Variants in LATS2 observed in about 807,000 individuals in gnomAD.
The protein encoded by LATS2 is large tumor suppressor kinase 2.
LATS2 carries 24 observed loss-of-function variants against 76.0 expected under a neutral mutation model. That is an observed-to-expected ratio of 0.32 (90% CI 0.23 to 0.44). LATS2 has a LOEUF of 0.44. Ranked by LOEUF, LATS2 falls within the 20% of genes least tolerant of loss-of-function variation. The pLI is 1.00. For synonymous variants in LATS2, 692 were observed against 635.4 expected (o/e 1.09, Z -1.34); for missense variants, 1,286 against 1,481.2 (o/e 0.87, Z 2.16).
At chr13:20,981,345 CTA>C in intron 6 of LATS2, 119 bp downstream of exon 6, 2 of 895,860 alleles carry the variant, frequency 2.2e-6, no homozygotes, top group Non-Finnish European at 3.4e-6. Context: ...TTTCAGGCTT[CTA>C]TGAGGACAAA....
At position 21,045,184 on chromosome 13, in the gene LATS2, C is replaced by T. The variant is rs139235920; in HGVS notation, c.342+501G>A. On this transcript the variant is annotated intron_variant, in intron 2 of 7. Coordinates refer to ENST00000382592, the MANE Select transcript of LATS2 (RefSeq NM_014572.3). ...CATTTCCTGAACATGTTAATAGTTA[C>T]ACCCCCTGTAACAGCATATACACTA... 5.5e-4 allele frequency among the ~76,000 whole-genome samples: 84 copies of T among 152,188 alleles called. No homozygotes were observed. In the Middle Eastern group the frequency reaches 0.01, roughly 18 times the overall value.
At chr13:21,023,222 C>T (rs1438754640) in intron 2 of LATS2, 1 of 152,046 alleles carries the variant, frequency 6.6e-6, no homozygotes. Context: ...CTCAGGGCTT[C>T]TACATTTCTA....
chr13:21,056,435 A>G (rs1873453442), intron 1 of LATS2, among the ~76,000 whole-genome samples: 1 of 152,196 alleles, frequency 6.6e-6, no homozygotes, highest in African/African-American at 2.4e-5. Flanking sequence ...TATGATATAC[A>G]TTATGCAAAT....
Position 20,988,653 on chromosome 13 carries a change from G to A in LATS2, c.1127C>T (p.Ala376Val), listed in dbSNP as rs200000616. 2.7e-4 allele frequency: 430 copies of A among 1,579,722 alleles called. No individual in the cohort carries two copies. In the African/African-American group the frequency reaches 5.3e-3, roughly 20 times the overall value. The change falls in exon 4 of 8, where the codon GCC (alanine) becomes GTC (valine). Residue 376 changes from alanine to valine, a missense_variant. By Grantham distance (64) the Ala-to-Val change is moderately conservative. Around this residue, in one of 5 missense-constraint regions of LATS2, gnomAD observed 710 missense variants for 660.9 expected, o/e 1.07. Coordinates refer to ENST00000382592, the MANE Select transcript of LATS2 (RefSeq NM_014572.3). ...SVQQWPAATL[A>V]RRDSLQKPGL... ...CGGCTTCTGCAGGGAGTCCCGGCGG[G>A]CCAGGGTGGCAGCCGGCCACTGCTG...
In LATS2 at chr13:20,983,678, G is replaced by A. The variant is rs888523752; in HGVS notation, c.2028C>T (p.Ile676=). 14 of 1,614,006 alleles carry A rather than the reference G, an allele frequency of 8.7e-6. No individual in the cohort carries two copies. The East Asian group carries it at 1.8e-4, about 21-fold the overall frequency. ...CAAGGCACACTTCTCCAAAGGCACC[G>A]ATCCCCAGGGTTTTGATCTTGACAA... is the stretch of plus-strand genomic sequence containing the variant. ...SMFVKIKTLG[I]GAFGEVCLAC... is the part of the protein sequence containing the mutation. The change falls in exon 5 of 8, where the codon ATC becomes ATT. Residue 676 remains isoleucine (I), a synonymous_variant. Transcript: ENST00000382592.
intron 1 of LATS2, among the ~76,000 whole-genome samples, chr13:21,054,541 A>AC (rs1873385550): frequency 6.6e-6 from 1 of 151,976 alleles, no homozygotes; most frequent in South Asian, 2.1e-4. Context: ...GCACCTCCCC[A>AC]CCCCACTGGC....
rs749648130 is a variant in LATS2 at position 20,975,275 on chromosome 13, G to A, written c.2862C>T (p.Ser954=). ...CATTCCGCCCCAGGCGGTGGTCTGC[G>A]GAGCAGCACAGCTTGGTGATGAGGT... The part of the protein sequence containing the change: ...ARDLITKLCC[S]ADHRLGRNGA... The change falls in exon 8 of 8, where the codon TCC becomes TCT. Residue 954 remains serine, a synonymous_variant. Transcript: ENST00000382592. The A allele has an allele frequency of 2.9e-5, 46 of 1,613,944 alleles. No individual in the cohort carries two copies. The highest frequency in any genetic ancestry group is 4.5e-5 in the East Asian group (2 of 44,860).
At chr13:20,987,364 T>C (rs1194487970) in intron 4 of LATS2, among the ~76,000 whole-genome samples, 1 of 152,214 alleles carries the variant, frequency 6.6e-6, no homozygotes, top group East Asian at 1.9e-4. Context: ...TTTAAATAGT[T>C]TCATCAATAA....
intron 2 of LATS2, among the ~76,000 whole-genome samples, chr13:21,041,404 T>C (rs1193875625): frequency 6.6e-5 from 10 of 152,336 alleles, no homozygotes; most frequent in Admixed American, 6.5e-5. Flanking sequence ...CCTTATTTGA[T>C]CTAATATAAT....
Position 20,982,884 on chromosome 13 carries a change from G to A in LATS2, c.2482+340C>T, listed in dbSNP as rs541134558. ...TGCGTGACTGTAATCCCGGCTACTCGGGAGGCTGGAGGCAGGAGAATCACT... is the reference window on the plus strand; with the variant it reads ...TGCGTGACTGTAATCCCGGCTACTCAGGAGGCTGGAGGCAGGAGAATCACT... On this transcript the variant is annotated intron_variant, in intron 5 of 7. Transcript: ENST00000382592. 5.3e-5 allele frequency among the ~76,000 whole-genome samples: 8 copies of A among 151,072 alleles called. No individual in the cohort carries two copies. In the East Asian group the frequency reaches 6.0e-4, roughly 11 times the overall value.
intron 4 of LATS2, among the ~76,000 whole-genome samples, chr13:20,986,849 G>A (rs141959381): frequency 6.6e-6 from 1 of 152,028 alleles, no homozygotes; most frequent in Admixed American, 6.6e-5. Context: ...TCCTATGCAT[G>A]TAACAAAATA....
At chr13:20,995,094 A>G (rs1870692627) in intron 2 of LATS2, among the ~76,000 whole-genome samples, 1 of 152,022 alleles carries the variant, frequency 6.6e-6, no homozygotes, top group African/African-American at 2.4e-5. Flanking sequence ...CTCATCTGGG[A>G]AATAAGGCTA....
At chr13:21,023,482 T>G (rs1229156414) in intron 2 of LATS2, among the ~76,000 whole-genome samples, 2 of 151,448 alleles carry the variant, frequency 1.3e-5, no homozygotes, top group Non-Finnish European at 2.9e-5. Flanking sequence ...ACCCCTGCAC[T>G]TCCCGTCCTT....
At chr13:21,007,995 G>C (rs1164368961) in intron 2 of LATS2, among the ~76,000 whole-genome samples, 1 of 151,362 alleles carries the variant, frequency 6.6e-6, no homozygotes, top group Non-Finnish European at 1.5e-5. Flanking sequence ...CTGACCTCAA[G>C]TGATCCACCG....
At chr13:21,042,408 A>T (rs1326179944) in intron 2 of LATS2, among the ~76,000 whole-genome samples, 4 of 152,202 alleles carry the variant, frequency 2.6e-5, no homozygotes. Flanking sequence ...TTTAATTAAA[A>T]GTTAAGGCTG....
intron 2 of LATS2, among the ~76,000 whole-genome samples, chr13:21,017,314 G>C (rs956374214): frequency 1.6e-4 from 25 of 152,282 alleles, no homozygotes; most frequent in African/African-American, 5.8e-4. Flanking sequence ...CCCTTACATA[G>C]AGGTGATGCA....
At chr13:21,048,820 A>T (rs1342801765) in intron 1 of LATS2, among the ~76,000 whole-genome samples, 1 of 152,086 alleles carries the variant, frequency 6.6e-6, no homozygotes, top group African/African-American at 2.4e-5. Flanking sequence ...CTGGGCAACA[A>T]GAGCGAAACT....
chr13:21,056,003 G>A (rs1214985520), intron 1 of LATS2, among the ~76,000 whole-genome samples: 3 of 152,194 alleles, frequency 2.0e-5, no homozygotes, highest in Admixed American at 6.5e-5. Context: ...TGGGGATCCA[G>A]GAAAACACAC....
chr13:20,975,208 C>G lies in LATS2; in HGVS notation c.2929G>C (p.Asp977His). The G allele has an allele frequency of 6.2e-7, 1 of 1,614,164 alleles. No homozygotes were observed. The highest frequency in any genetic ancestry group is 8.5e-7 in the Non-Finnish European group (1 of 1,180,028). ...LKAHPFFSAIDFSSDIRKQPA... is the reference protein window; with the variant it reads ...LKAHPFFSAIHFSSDIRKQPA... Reference sequence around the variant, plus strand: ...TGCTTCCGGATGTCACTGGAGAAGTCAATGGCGCTGAAGAAGGGGTGGGCC... The same window carrying G: ...TGCTTCCGGATGTCACTGGAGAAGTGAATGGCGCTGAAGAAGGGGTGGGCC... The change falls in exon 8 of 8, where the codon GAC (aspartate) becomes CAC (histidine). Residue 977 changes from aspartate to histidine, a missense_variant. By Grantham distance (81) the Asp-to-His change is moderately conservative. Coordinates refer to ENST00000382592, the MANE Select transcript of LATS2 (RefSeq NM_014572.3).
Sources: allele counts gnomAD v4.1 joint callset (sites outside exome capture counted in the v4.1 genomes callset), GRCh38; gene constraint gnomAD v4.1.1; regional missense constraint gnomAD v4.1.1; transcripts MANE v1.5; gene names NCBI Gene and HGNC (gene_info 2026-07-23, HGNC 2026-07-21).